The following TUSC3 variants were observed in gnomAD, a reference collection of about 807,000 sequenced individuals.
TUSC3 encodes dolichyl-diphosphooligosaccharide--protein glycosyltransferase subunit TUSC3.
Under a neutral mutation model 44.8 loss-of-function variants are expected in TUSC3, and 45 were observed. That is an observed-to-expected ratio of 1.00 (90% CI 0.79 to 1.29). The LOEUF (loss-of-function observed/expected upper bound fraction) is 1.29. Among genes scored for constraint, TUSC3 ranks in the 50% most tolerant of loss-of-function variants. The probability of loss-of-function intolerance (pLI) is 0.00; values close to 1 mark genes in which losing one functional copy is unlikely to be tolerated. For missense variants in TUSC3, 519 were observed against 437.9 expected (o/e 1.19, Z -1.65); for synonymous variants, 212 against 152.9 (o/e 1.39, Z -2.85).
the TUSC3 span, among the ~76,000 whole-genome samples, chr8:15,832,694 T>C: frequency 3.9e-5 from 6 of 152,120 alleles, no homozygotes; most frequent in Non-Finnish European, 8.8e-5. Context: ...AGAAGGGCCT[T>C]ACATAAGGGT....
the TUSC3 span, among the ~76,000 whole-genome samples, chr8:15,813,357 G>A: frequency 1.4e-5 from 2 of 147,978 alleles, no homozygotes; most frequent in Admixed American, 1.4e-4. Flanking sequence ...AAGAGTATTG[G>A]TGATGTAGCA....
the TUSC3 span, among the ~76,000 whole-genome samples, chr8:15,834,195 G>A: frequency 3.3e-5 from 5 of 151,058 alleles, no homozygotes; most frequent in East Asian, 9.8e-4. Flanking sequence ...CATTACATAA[G>A]TTTTCATTTT....
At chr8:15,800,574 TA>T in the TUSC3 span, among the ~76,000 whole-genome samples, 5,292 of 139,480 alleles carry the variant, frequency 0.038, 93 homozygotes, top group Middle Eastern at 0.059. Flanking sequence ...ACCCTGTCTT[TA>T]AAAAAAAAAA....
chr8:15,550,914 T>G (rs1456793787), intron 1 of TUSC3, among the ~76,000 whole-genome samples: 1 of 151,722 alleles, frequency 6.6e-6, no homozygotes, highest in East Asian at 2.0e-4. Context: ...TCGGGTGATC[T>G]GCCCGCCTCG....
chr8:15,693,401 A>G (rs780555575), intron 6 of TUSC3, among the ~76,000 whole-genome samples: 10 of 148,544 alleles, frequency 6.7e-5, no homozygotes, highest in Admixed American at 4.0e-4. Context: ...TTGCTTATGA[A>G]GCTGAAGTTG....
At chr8:15,520,717 C>A (rs1410447465) in intron 2 of TUSC3, among the ~76,000 whole-genome samples, 2 of 152,124 alleles carry the variant, frequency 1.3e-5, no homozygotes, top group African/African-American at 4.8e-5. Context: ...TATGCAATTC[C>A]GTTCTCCACC....
At chr8:15,544,247 C>G (rs1301284372) in intron 1 of TUSC3, among the ~76,000 whole-genome samples, 1 of 151,988 alleles carries the variant, frequency 6.6e-6, no homozygotes, top group African/African-American at 2.4e-5. Context: ...CAGTTTCTCT[C>G]TTTCTAACTT....
At chr8:15,439,574 A>G (rs1799994564) in intron 1 of TUSC3, among the ~76,000 whole-genome samples, 1 of 152,210 alleles carries the variant, frequency 6.6e-6, no homozygotes, top group African/African-American at 2.4e-5. Flanking sequence ...AAACAAAAAC[A>G]AAAACAGAAA....
At chr8:15,560,265 C>G (rs1283032582) in intron 1 of TUSC3, among the ~76,000 whole-genome samples, 2 of 145,366 alleles carry the variant, frequency 1.4e-5, no homozygotes, top group African/African-American at 2.5e-5. Context: ...ACTTATGAAG[C>G]TTAGTTTGGC....
chr8:15,685,526 C>G (rs149028309), intron 6 of TUSC3, among the ~76,000 whole-genome samples: 1 of 152,086 alleles, frequency 6.6e-6, no homozygotes, highest in Non-Finnish European at 1.5e-5. Flanking sequence ...AATTTGTTCC[C>G]TTAACAGAAA....
intron 2 of TUSC3, among the ~76,000 whole-genome samples, chr8:15,644,494 A>T (rs1025321706): frequency 6.6e-6 from 1 of 152,216 alleles, no homozygotes; most frequent in Non-Finnish European, 1.5e-5. Context: ...GAAGTGTGCT[A>T]ATAAGCTTTC....
chr8:15,571,112 C>T (rs1209418560), intron 1 of TUSC3, among the ~76,000 whole-genome samples: 2 of 151,692 alleles, frequency 1.3e-5, no homozygotes, highest in Non-Finnish European at 2.9e-5. Flanking sequence ...TGCCACCACA[C>T]CTGACTAGTT....
chr8:15,432,161 C>T (rs7838927), intron 1 of TUSC3, among the ~76,000 whole-genome samples: 24,721 of 151,900 alleles, frequency 0.16, 2,087 homozygotes, highest in Middle Eastern at 0.23. Flanking sequence ...CCTCAATCAT[C>T]TGGAAGAGTT....
At chr8:15,683,570 G>A (rs913395284) in intron 6 of TUSC3, among the ~76,000 whole-genome samples, 1 of 152,000 alleles carries the variant, frequency 6.6e-6, no homozygotes, top group Admixed American at 6.6e-5. Context: ...TTGGATTGGA[G>A]TTCAGCTTCC....
chr8:15,627,577 G>A (rs1178556184), intron 2 of TUSC3, among the ~76,000 whole-genome samples: 4 of 152,218 alleles, frequency 2.6e-5, no homozygotes, highest in Non-Finnish European at 5.9e-5. Context: ...GCCCTTTGGG[G>A]AGCCCAGACC....
chr8:15,512,974 G>A (rs1351634397), intron 2 of TUSC3, among the ~76,000 whole-genome samples: 1 of 112,296 alleles, frequency 8.9e-6, no homozygotes, highest in Non-Finnish European at 1.7e-5. Flanking sequence ...CTTTTTCTCT[G>A]GAAAATTCTC....
intron 9 of TUSC3, among the ~76,000 whole-genome samples, chr8:15,749,852 C>T (rs1442413488): frequency 6.9e-6 from 1 of 144,524 alleles, no homozygotes; most frequent in Non-Finnish European, 1.5e-5. Context: ...TAGAAATCCT[C>T]TGTATTTTAT....
At chr8:15,576,630 A>G (rs1420213809) in intron 1 of TUSC3, among the ~76,000 whole-genome samples, 2 of 144,598 alleles carry the variant, frequency 1.4e-5, no homozygotes, top group African/African-American at 5.3e-5. Context: ...GTCCCTACAA[A>G]GGACACGAAC....
chr8:15,638,515 CTTTTTTTTTTTTT>C (rs547743726), intron 2 of TUSC3, among the ~76,000 whole-genome samples: 69 of 81,104 alleles, frequency 8.5e-4, no homozygotes, highest in African/African-American at 3.1e-3. Flanking sequence ...TTCTTTTTTT[CTTTTTTTTTTTTT>C]TTTTTTTTTT....
Sources: gnomAD v4.1 joint callset for allele counts (sites outside exome capture counted in the v4.1 genomes callset) on GRCh38, gnomAD v4.1.1 for gene constraint, MANE v1.5 for transcripts, NCBI Gene and HGNC (gene_info 2026-07-23, HGNC 2026-07-21) for gene names.